The following SLC8A1 variants were observed in gnomAD, a reference collection of about 807,000 sequenced individuals.
SLC8A1 encodes solute carrier family 8 member A1.
A neutral mutation model predicts 68.3 loss-of-function variants in SLC8A1; 18 were observed. The observed-to-expected ratio is 0.26, with a 90% CI of 0.18 to 0.39. SLC8A1 has a LOEUF of 0.39. SLC8A1 is among the 10% of genes least tolerant of loss of function. The probability of loss-of-function intolerance (pLI) is 1.00; values close to 1 mark genes in which losing one functional copy is unlikely to be tolerated. For missense variants in SLC8A1, 985 were observed against 1,156.7 expected (o/e 0.85, Z 2.15); for synonymous variants, 475 against 415.5 (o/e 1.14, Z -1.74).
chr2:40,339,353 G>C (rs1347346993), intron 2 of SLC8A1, among the ~76,000 whole-genome samples: 1 of 152,184 alleles, frequency 6.6e-6, no homozygotes, highest in Admixed American at 6.5e-5. Flanking sequence ...CAGGAGGAAA[G>C]GATATCAGAA....
At chr2:40,183,358 T>C (rs2050003386) in intron 2 of SLC8A1, among the ~76,000 whole-genome samples, 1 of 152,214 alleles carries the variant, frequency 6.6e-6, no homozygotes, top group Admixed American at 6.5e-5. Flanking sequence ...AGAATGACTG[T>C]ATGAACAATG....
At chr2:40,131,436 C>T (rs535811049) in intron 7 of SLC8A1, among the ~76,000 whole-genome samples, 2 of 152,290 alleles carry the variant, frequency 1.3e-5, no homozygotes, top group South Asian at 2.1e-4. Flanking sequence ...TGATTCCCTG[C>T]TGTCCTTCAA....
chr2:40,292,111 A>G (rs759903041), intron 2 of SLC8A1, among the ~76,000 whole-genome samples: 4 of 152,194 alleles, frequency 2.6e-5, no homozygotes, highest in Admixed American at 1.3e-4. Context: ...CAAGTGGTAC[A>G]GTGGAAAGAA....
At chr2:40,348,524 G>A (rs1029917082) in intron 2 of SLC8A1, among the ~76,000 whole-genome samples, 7 of 152,072 alleles carry the variant, frequency 4.6e-5, no homozygotes, top group Non-Finnish European at 7.4e-5. Context: ...ATAAATCTGC[G>A]CAAGAAACAT....
At chr2:40,177,705 GAGAAGAGTACA>G (rs781664594) in intron 3 of SLC8A1, 1 of 1,154,812 alleles carries the variant, frequency 8.7e-7, no homozygotes. Context: ...GACACGGAGA[GAGAAGAGTACA>G]ATTTCTCGCT....
At chr2:40,299,120 G>C (rs1046686395) in intron 2 of SLC8A1, among the ~76,000 whole-genome samples, 2 of 152,132 alleles carry the variant, frequency 1.3e-5, no homozygotes, top group African/African-American at 2.4e-5. Flanking sequence ...CTGGATTTGA[G>C]GTTGGCAAGT....
chr2:40,121,686 C>A (rs1480670092), intron 7 of SLC8A1, among the ~76,000 whole-genome samples: 1 of 152,130 alleles, frequency 6.6e-6, no homozygotes, highest in South Asian at 2.1e-4. Context: ...TAGGGCCTGG[C>A]ACTTAATGGG....
chr2:40,472,941 G>A (rs1196223257), intron 1 of SLC8A1, among the ~76,000 whole-genome samples: 1 of 152,038 alleles, frequency 6.6e-6, no homozygotes. Flanking sequence ...CAAGTTTAAG[G>A]TGAGTTACAA....
At chr2:40,504,517 A>T (rs1186310643) in intron 1 of SLC8A1, among the ~76,000 whole-genome samples, 1 of 152,086 alleles carries the variant, frequency 6.6e-6, no homozygotes, top group Non-Finnish European at 1.5e-5. Flanking sequence ...CAAAGTGAAG[A>T]GGCAACACAC....
At chr2:40,265,592 C>G (rs560650534) in intron 2 of SLC8A1, among the ~76,000 whole-genome samples, 4 of 152,216 alleles carry the variant, frequency 2.6e-5, no homozygotes, top group African/African-American at 7.2e-5. Flanking sequence ...CTGAAGATTA[C>G]ATAGGATGGA....
intron 2 of SLC8A1, among the ~76,000 whole-genome samples, chr2:40,408,642 GC>G (rs1691132061): frequency 6.6e-6 from 1 of 152,136 alleles, no homozygotes; most frequent in Non-Finnish European, 1.5e-5. Context: ...TACAATAACA[GC>G]TTCTAATGAA....
At chr2:40,405,266 T>C (rs945960964) in intron 2 of SLC8A1, among the ~76,000 whole-genome samples, 5 of 152,196 alleles carry the variant, frequency 3.3e-5, no homozygotes, top group African/African-American at 7.2e-5. Context: ...GCAAGAATAG[T>C]GGCTTAGAGT....
intron 2 of SLC8A1, among the ~76,000 whole-genome samples, chr2:40,421,139 C>T (rs747629856): frequency 2.0e-5 from 3 of 152,078 alleles, no homozygotes; most frequent in Non-Finnish European, 2.9e-5. Context: ...TCACCACCAA[C>T]ACCATCAGCA....
chr2:40,098,291 A>C (rs2033693337), exon 8 of SLC8A1: 1 of 152,066 alleles, frequency 6.6e-6, no homozygotes, highest in East Asian at 1.9e-4. Flanking sequence ...AATAAAATCT[A>C]ATTATTTTAA....
At chr2:40,321,274 T>G (rs1575386038) in intron 2 of SLC8A1, among the ~76,000 whole-genome samples, 1 of 152,162 alleles carries the variant, frequency 6.6e-6, no homozygotes, top group East Asian at 1.9e-4. Flanking sequence ...TTGTTTTTTC[T>G]GAAATCTCGG....
intron 2 of SLC8A1, among the ~76,000 whole-genome samples, chr2:40,321,963 C>G (rs149222307): frequency 6.6e-6 from 1 of 152,148 alleles, no homozygotes; most frequent in African/African-American, 2.4e-5. Flanking sequence ...TCTGCTGTCA[C>G]TCATTAGTCA....
intron 2 of SLC8A1, among the ~76,000 whole-genome samples, chr2:40,330,469 T>C (rs944813088): frequency 5.3e-5 from 8 of 152,232 alleles, no homozygotes; most frequent in African/African-American, 1.7e-4. Flanking sequence ...ACATTTGGTA[T>C]ATTAAAATAA....
intron 2 of SLC8A1, among the ~76,000 whole-genome samples, chr2:40,323,589 A>G (rs1290540182): frequency 6.6e-6 from 1 of 152,190 alleles, no homozygotes; most frequent in East Asian, 1.9e-4. Flanking sequence ...AAGTACCAGG[A>G]AACAGCATAA....
intron 2 of SLC8A1, among the ~76,000 whole-genome samples, chr2:40,329,060 TCACA>T (rs70957170): frequency 0.21 from 30,027 of 140,930 alleles, 3,129 homozygotes; most frequent in South Asian, 0.29. Context: ...CACTACAACC[TCACA>T]CACACACACA....
Sources: gnomAD v4.1 joint callset for allele counts (sites outside exome capture counted in the v4.1 genomes callset) on GRCh38, gnomAD v4.1.1 for gene constraint, MANE v1.5 for transcripts, NCBI Gene and HGNC (gene_info 2026-07-23, HGNC 2026-07-21) for gene names.